Variants in EFNA5 observed in about 807,000 individuals in gnomAD.
EFNA5 encodes ephrin A5.
A neutral mutation model predicts 22.9 loss-of-function variants in EFNA5; 5 were observed. That is an observed-to-expected ratio of 0.22 (90% CI 0.11 to 0.46). The LOEUF (loss-of-function observed/expected upper bound fraction) is 0.46, where lower values mean the gene tolerates loss of function less well. Ranked by LOEUF, EFNA5 falls within the 20% of genes least tolerant of loss-of-function variation. The pLI is 0.99. For synonymous variants in EFNA5, 113 were observed against 112.2 expected (o/e 1.01, Z -0.04); for missense variants, 237 against 293.3 (o/e 0.81, Z 1.40).
Position 107,379,305 on chromosome 5 carries a change from C to G in EFNA5, c.*1950G>C, listed in dbSNP as rs142598730. ...AACTCTCCAGGGCACAATACGTTTA[C>G]AGCTGCCTTTCCTTCACATACTTTT... On this transcript the variant is annotated 3_prime_UTR_variant, in exon 5 of 5. Coordinates refer to ENST00000333274, the MANE Select transcript of EFNA5 (RefSeq NM_001962.3). 6.6e-6 allele frequency: 1 copy of G among 152,302 alleles called. No homozygotes were observed. Among genetic ancestry groups the G allele is most frequent in the African/African-American group, 2.4e-5 (1 of 41,544 alleles). The allele number at this position is 152,302 out of a possible 1,614,324, so 9.4% of individuals were successfully genotyped here. A position where few individuals can be genotyped will look rare whatever the true frequency, so the allele number is the denominator to read the frequency against.
chr5:107,579,809 C>T (rs892398802), intron 1 of EFNA5, among the ~76,000 whole-genome samples: 1 of 152,222 alleles, frequency 6.6e-6, no homozygotes, highest in African/African-American at 2.4e-5. Flanking sequence ...ACGAGTGGCA[C>T]TTCTGACCTT....
At chr5:107,468,333 C>G (rs1052642582) in intron 1 of EFNA5, among the ~76,000 whole-genome samples, 1 of 152,118 alleles carries the variant, frequency 6.6e-6, no homozygotes, top group African/African-American at 2.4e-5. Flanking sequence ...AACAAAATTG[C>G]TTTTAATGAC....
At chr5:107,409,821 G>A (rs13178242) in intron 2 of EFNA5, among the ~76,000 whole-genome samples, 34,312 of 151,970 alleles carry the variant, frequency 0.23, 3,943 homozygotes, top group South Asian at 0.33. Flanking sequence ...GTACAAGTAT[G>A]TCTCAGGAAA....
At chr5:107,586,742 G>T (rs1411010021) in intron 1 of EFNA5, among the ~76,000 whole-genome samples, 1 of 152,176 alleles carries the variant, frequency 6.6e-6, no homozygotes, top group Non-Finnish European at 1.5e-5. Context: ...AAAGCGAAGT[G>T]TATCTGTTCA....
chr5:107,389,382 T>C lies in EFNA5; in HGVS notation c.419-1611A>G, dbSNP rs139167228. 4.6e-5 allele frequency among the ~76,000 whole-genome samples: 7 copies of C among 152,310 alleles called. No individual in the cohort carries two copies. The East Asian group carries it at 1.4e-3, about 29-fold the overall frequency. ...GTACACATAGGTGACTCCAATTCAT[T>C]AGGAAAACCACGGGTTCCTGAGGGA... On this transcript the variant is annotated intron_variant, in intron 2 of 4. Coordinates refer to ENST00000333274, the MANE Select transcript of EFNA5 (RefSeq NM_001962.3).
chr5:107,620,899 G>A lies in EFNA5; in HGVS notation c.125+49590C>T, dbSNP rs1455578813. 3.3e-5 allele frequency among the ~76,000 whole-genome samples: 5 copies of A among 152,182 alleles called. No homozygotes were observed. The East Asian group carries it at 9.6e-4, about 29-fold the overall frequency. On this transcript the variant is annotated intron_variant, in intron 1 of 4. Coordinates refer to ENST00000333274, the MANE Select transcript of EFNA5 (RefSeq NM_001962.3). ...GACCTGAGAACTGAAGAATAAACAG[G>A]AACCAATAAGGTGGAGCAGAGGAGT...
chr5:107,387,919 AAC>A (rs1264719874), intron 2 of EFNA5, 148 bp from the exon 3 acceptor site: 1 of 596,242 alleles, frequency 1.7e-6, no homozygotes, highest in Non-Finnish European at 2.9e-6. Flanking sequence ...AATTAAAACA[AAC>A]AGTACTTTTC....
Position 107,658,956 on chromosome 5 carries a change from T to C in EFNA5, c.125+11533A>G, listed in dbSNP as rs144942618. Among the ~76,000 whole-genome samples, 233 of 152,296 alleles carry C rather than the reference T, an allele frequency of 1.5e-3. 1 individual carries two copies. The highest frequency in any genetic ancestry group is 5.2e-3 in the African/African-American group (215 of 41,562). On this transcript the variant is annotated intron_variant, in intron 1 of 4. Transcript: ENST00000333274. ...ACTGAGAACAGTACCTGGCCCACAG[T>C]GGACACCTGACATAAATATCTGTCA... is the stretch of plus-strand genomic sequence containing the variant.
At chr5:107,597,168 T>C (rs1749490699) in intron 1 of EFNA5, among the ~76,000 whole-genome samples, 2 of 152,180 alleles carry the variant, frequency 1.3e-5, no homozygotes, top group African/African-American at 4.8e-5. Flanking sequence ...CCATCAAAAA[T>C]ATTTAGTAAA....
intron 2 of EFNA5, among the ~76,000 whole-genome samples, chr5:107,395,579 T>G (rs1747900996): frequency 6.6e-6 from 1 of 152,232 alleles, no homozygotes; most frequent in African/African-American, 2.4e-5. Context: ...TTTGAACAGT[T>G]AAGAAAAAGT....
chr5:107,575,292 C>A (rs79282055), intron 1 of EFNA5, among the ~76,000 whole-genome samples: 1 of 152,110 alleles, frequency 6.6e-6, no homozygotes, highest in Admixed American at 6.6e-5. Context: ...CTTAGTAACA[C>A]TTTTAAGGAT....
At chr5:107,666,593 T>C (rs1047479387) in intron 1 of EFNA5, among the ~76,000 whole-genome samples, 2 of 152,032 alleles carry the variant, frequency 1.3e-5, no homozygotes, top group Admixed American at 6.5e-5. Context: ...CTCTTAAGAG[T>C]ATAACCTTTT....
At chr5:107,449,259 C>T (rs1039432288) in intron 1 of EFNA5, among the ~76,000 whole-genome samples, 1 of 151,930 alleles carries the variant, frequency 6.6e-6, no homozygotes, top group African/African-American at 2.4e-5. Context: ...CAGCTATAAC[C>T]AAATGGCTAA....
intron 1 of EFNA5, among the ~76,000 whole-genome samples, chr5:107,495,065 C>G (rs28001): frequency 0.62 from 93,636 of 151,982 alleles, 31,551 homozygotes; most frequent in African/African-American, 0.9. Context: ...GGTGGGGCCA[C>G]ATAAGAGAAT....
chr5:107,454,417 TA>T (rs1337705305), intron 1 of EFNA5, among the ~76,000 whole-genome samples: 61 of 152,322 alleles, frequency 4.0e-4, no homozygotes, highest in African/African-American at 1.4e-3. Flanking sequence ...AGGACTACAT[TA>T]AAATCAGCTG....
At chr5:107,660,287 T>TATATAA (rs1561462906) in intron 1 of EFNA5, among the ~76,000 whole-genome samples, 2 of 110,466 alleles carry the variant, frequency 1.8e-5, no homozygotes, top group Non-Finnish European at 3.8e-5. Context: ...TATATATATA[T>TATATAA]ATATATATAT....
chr5:107,380,818 T>C lies in EFNA5; in HGVS notation c.*437A>G, dbSNP rs1747432725. 4.9e-6 allele frequency: 2 copies of C among 406,272 alleles called. No homozygotes were observed. The highest frequency in any genetic ancestry group is 8.7e-6 in the Non-Finnish European group (2 of 230,130). The allele number at this position is 406,272 out of a possible 1,614,324, so 25.2% of individuals were successfully genotyped here. On this transcript the variant is annotated 3_prime_UTR_variant, in exon 5 of 5. Transcript: ENST00000333274. ...AGTTCTGAATGAGAAGGCATAAATA[T>C]TGCATAGGAGAGCAAAACCCTCCCA...
In EFNA5 at chr5:107,387,374, ATTTCTTTCTTT is replaced by A. The variant is rs1747655005; in HGVS notation, c.485-70_485-60del. 1.3e-5 allele frequency: 15 copies of A among 1,138,724 alleles called. No individual in the cohort carries two copies. In the South Asian group the frequency reaches 2.0e-4, roughly 16 times the overall value. 70.5% of individuals were successfully genotyped at this position (1,138,724 alleles called of 1,614,324 possible). ...TTAGTGAAGACACCCTTAAACTCCC[ATTTCTTTCTTT>A]TTTCTTTCTCTCCTTTTTTTCTTTT... is the stretch of plus-strand genomic sequence containing the variant. On this transcript the variant is annotated intron_variant, in intron 3 of 4. Coordinates refer to ENST00000333274, the MANE Select transcript of EFNA5 (RefSeq NM_001962.3).
At chr5:107,399,952 G>T (rs529565251) in intron 2 of EFNA5, among the ~76,000 whole-genome samples, 14 of 152,276 alleles carry the variant, frequency 9.2e-5, no homozygotes, top group Non-Finnish European at 1.8e-4. Context: ...ACTTAGATTT[G>T]TGACTAAGTG....
Sources: gnomAD v4.1 joint callset for allele counts (sites outside exome capture counted in the v4.1 genomes callset) on GRCh38, gnomAD v4.1.1 for gene constraint, MANE v1.5 for transcripts, NCBI Gene and HGNC (gene_info 2026-07-23, HGNC 2026-07-21) for gene names.